CNGA1: variants seen among roughly 807,000 people sequenced by gnomAD.
CNGA1 encodes cyclic nucleotide gated channel subunit alpha 1.
CNGA1 carries 53 observed loss-of-function variants against 69.7 expected under a neutral mutation model. The ratio of observed to expected loss-of-function variants is 0.76; its 90% CI spans 0.61 to 0.96. The LOEUF (loss-of-function observed/expected upper bound fraction) is 0.96. Ranked by LOEUF, CNGA1 falls within the 40% of genes least tolerant of loss-of-function variation. CNGA1 has a pLI of 0.00. For synonymous variants in CNGA1, 249 were observed against 283.5 expected (o/e 0.88, Z 1.22); for missense variants, 739 against 811.2 (o/e 0.91, Z 1.08).
intron 2 of CNGA1, among the ~76,000 whole-genome samples, chr4:48,008,695 T>G (rs546682211): frequency 1.1e-3 from 167 of 152,322 alleles, no homozygotes; most frequent in Non-Finnish European, 7.8e-4. Context: ...GTTATGAAAC[T>G]CACCTTTGCA....
chr4:47,989,661 C>T (rs973609041), intron 2 of CNGA1, among the ~76,000 whole-genome samples: 12 of 151,768 alleles, frequency 7.9e-5, no homozygotes, highest in Non-Finnish European at 1.8e-4. Context: ...TTTTTGTTTC[C>T]GTAGGTTATT....
chr4:48,012,040 C>T (rs1326561472), intron 1 of CNGA1, among the ~76,000 whole-genome samples: 1 of 152,154 alleles, frequency 6.6e-6, no homozygotes, highest in Non-Finnish European at 1.5e-5. Context: ...CTACAAAGAA[C>T]AGCTTTGCAG....
chr4:48,015,653 A>G (rs1286773430), intron 1 of CNGA1, among the ~76,000 whole-genome samples: 1 of 151,614 alleles, frequency 6.6e-6, no homozygotes, highest in African/African-American at 2.4e-5. Flanking sequence ...CCTGGACTAG[A>G]GTGCAGTGGT....
chr4:47,950,079 C>T (rs1311305290), intron 5 of CNGA1, among the ~76,000 whole-genome samples, 184 bp from the exon 6 acceptor site: 2 of 152,214 alleles, frequency 1.3e-5, no homozygotes, highest in Non-Finnish European at 2.9e-5. Context: ...TCCTGAGCCT[C>T]CATGAAGCAT....
At chr4:47,987,471 T>C (rs950197815) in intron 2 of CNGA1, among the ~76,000 whole-genome samples, 60 of 152,202 alleles carry the variant, frequency 3.9e-4, no homozygotes, top group Admixed American at 2.0e-4. Context: ...AGGAACCGTG[T>C]CTATGTTGCC....
intron 3 of CNGA1, among the ~76,000 whole-genome samples, chr4:47,954,812 G>T (rs1739965092): frequency 6.6e-6 from 1 of 152,184 alleles, no homozygotes; most frequent in Non-Finnish European, 1.5e-5. Context: ...TTGAAGGGGG[G>T]GTAAAGCTGA....
At chr4:48,011,334 C>T (rs1715151849) in intron 1 of CNGA1, among the ~76,000 whole-genome samples, 1 of 146,616 alleles carries the variant, frequency 6.8e-6, no homozygotes, top group African/African-American at 2.6e-5. Flanking sequence ...AGACAAGGTC[C>T]TGGGAGAGAA....
intron 3 of CNGA1, among the ~76,000 whole-genome samples, chr4:47,974,419 T>A (rs1741238418): frequency 6.6e-6 from 1 of 152,204 alleles, no homozygotes; most frequent in Admixed American, 6.5e-5. Flanking sequence ...ACCTTTGCCT[T>A]AAAATAATGT....
At chr4:47,943,437 T>C in intron 6 of CNGA1, 25 bp from the exon 7 acceptor site, 1 of 1,310,098 alleles carries the variant, frequency 7.6e-7, no homozygotes, top group Non-Finnish European at 1.0e-6. Context: ...AATATATCTG[T>C]CACATAATCA....
intron 3 of CNGA1, among the ~76,000 whole-genome samples, chr4:47,966,651 T>C (rs1740740714): frequency 6.6e-6 from 1 of 152,172 alleles, no homozygotes; most frequent in Non-Finnish European, 1.5e-5. Context: ...AGACAGAAAA[T>C]AATGGTTAGG....
intron 2 of CNGA1, among the ~76,000 whole-genome samples, chr4:47,984,663 TACACACACACACAC>T (rs60055899): frequency 9.3e-4 from 118 of 127,314 alleles, no homozygotes; most frequent in African/African-American, 3.0e-3. Context: ...TATATATATA[TACACACACACACAC>T]ACACACACAC....
rs1345490124 is a variant in CNGA1 at position 47,984,703 on chromosome 4, T to A, written c.-122-3203A>T. Reference sequence around the variant, plus strand: ...ACACACACACACACACATATATATATAATATATATAATTGTCCCTCACATC... The same window carrying A: ...ACACACACACACACACATATATATAAAATATATATAATTGTCCCTCACATC... On this transcript the variant is annotated intron_variant, in intron 2 of 10. Coordinates refer to ENST00000514170, the MANE Select transcript of CNGA1 (RefSeq NM_001379270.1). Among the ~76,000 whole-genome samples the A allele has an allele frequency of 3.4e-5, 5 of 148,422 alleles. 1 individual carries two copies. Among genetic ancestry groups the A allele is most frequent in the African/African-American group, 1.2e-4 (5 of 40,512 alleles).
intron 6 of CNGA1, among the ~76,000 whole-genome samples, chr4:47,947,083 G>A (rs1234232407): frequency 6.6e-6 from 1 of 152,006 alleles, no homozygotes; most frequent in Non-Finnish European, 1.5e-5. Context: ...CACCATGCCC[G>A]GCCTTCAGTA....
intron 3 of CNGA1, among the ~76,000 whole-genome samples, chr4:47,970,502 A>T (rs1318944352): frequency 6.6e-6 from 1 of 151,764 alleles, no homozygotes; most frequent in East Asian, 2.0e-4. Context: ...AAAATAAAAA[A>T]TTAGTTGGGC....
At chr4:47,956,626 C>A (rs1034281933) in intron 3 of CNGA1, among the ~76,000 whole-genome samples, 2 of 152,102 alleles carry the variant, frequency 1.3e-5, no homozygotes, top group Admixed American at 6.5e-5. Context: ...TGAACAAATT[C>A]TTTTCCTGAT....
chr4:47,996,315 G>T (rs1321174922), intron 2 of CNGA1, among the ~76,000 whole-genome samples: 1 of 152,104 alleles, frequency 6.6e-6, no homozygotes, highest in Non-Finnish European at 1.5e-5. Flanking sequence ...TTGGAATATT[G>T]GAAATTTAGT....
At position 47,973,083 on chromosome 4, in the gene CNGA1, T is replaced by C. The variant is rs796921147; in HGVS notation, c.-15+8310A>G. Among the ~76,000 whole-genome samples the C allele has an allele frequency of 1.4e-4, 21 of 151,192 alleles. No individual in the cohort carries two copies. In the East Asian group the frequency reaches 3.3e-3, roughly 24 times the overall value. On this transcript the variant is annotated intron_variant, in intron 3 of 10. Transcript: ENST00000514170. ...AGCACCATCTTTTTTTTTTTTTTTTTTTGAGAGGGAGTCTTGCTCTGCCGC... is the reference window on the plus strand; with the variant it reads ...AGCACCATCTTTTTTTTTTTTTTTTCTTGAGAGGGAGTCTTGCTCTGCCGC...
intron 2 of CNGA1, among the ~76,000 whole-genome samples, chr4:48,009,967 T>C (rs1266879298): frequency 6.6e-6 from 1 of 152,196 alleles, no homozygotes; most frequent in Non-Finnish European, 1.5e-5. Context: ...ATAGACATAT[T>C]AGGCATGCCG....
At chr4:47,969,209 T>A (rs1740884084) in intron 3 of CNGA1, among the ~76,000 whole-genome samples, 1 of 151,930 alleles carries the variant, frequency 6.6e-6, no homozygotes, top group Non-Finnish European at 1.5e-5. Flanking sequence ...TCTCCATTAG[T>A]GTCAGATCCC....
Sources: gnomAD v4.1 joint callset for allele counts (sites outside exome capture counted in the v4.1 genomes callset) on GRCh38, gnomAD v4.1.1 for gene constraint, MANE v1.5 for transcripts, NCBI Gene and HGNC (gene_info 2026-07-23, HGNC 2026-07-21) for gene names.